Variants in TRAK1 observed in about 807,000 individuals in gnomAD.
The protein encoded by TRAK1 is trafficking kinesin protein 1.
Under a neutral mutation model 92.1 loss-of-function variants are expected in TRAK1, and 33 were observed. That is an observed-to-expected ratio of 0.36 (90% CI 0.27 to 0.48). TRAK1 has a LOEUF of 0.48. TRAK1 is among the 20% of genes least tolerant of loss of function. The pLI is 0.99. For missense variants in TRAK1, 1,123 were observed against 1,257.9 expected, an observed-to-expected ratio of 0.89 and a Z score of 1.62; for synonymous variants, 521 against 517.3, an observed-to-expected ratio of 1.01 and a Z score of -0.10.
intron 1 of TRAK1, among the ~76,000 whole-genome samples, chr3:42,099,692 C>G (rs1215215801): frequency 6.6e-6 from 1 of 152,172 alleles, no homozygotes; most frequent in African/African-American, 2.4e-5. Context: ...TCGGTTTCAG[C>G]TTATCTCATA....
chr3:42,082,274 A>C (rs1704473446), upstream of TRAK1, among the ~76,000 whole-genome samples: 1 of 152,078 alleles, frequency 6.6e-6, no homozygotes, highest in Non-Finnish European at 1.5e-5. Context: ...AAGTTATATA[A>C]AGCTTGGTTG....
intron 2 of TRAK1, among the ~76,000 whole-genome samples, chr3:42,162,765 ACT>A (rs1701415790): frequency 6.6e-6 from 1 of 151,638 alleles, no homozygotes; most frequent in Non-Finnish European, 1.5e-5. Flanking sequence ...TATTTGACAA[ACT>A]CTGGTTATAC....
Position 42,189,103 on chromosome 3 carries a change from G to A in TRAK1, c.669G>A (p.Glu223=). ...LQKKLKDLEE[E]NVVLRSEASQ... ...AGAAGCTGAAAGACCTTGAAGAGGA[G>A]AATGTTGTACTTCGATCCGAGGTGA... Residue 223 remains glutamate, a synonymous_variant, in exon 6 of 16, where the codon GAG becomes GAA. Transcript: ENST00000327628. The A allele has an allele frequency of 6.2e-7, 1 of 1,613,960 alleles. No homozygotes were observed. Among genetic ancestry groups the A allele is most frequent in the Non-Finnish European group, 8.5e-7 (1 of 1,179,786 alleles).
At chr3:42,116,934 G>T (rs1249179372) in intron 1 of TRAK1, among the ~76,000 whole-genome samples, 1 of 152,192 alleles carries the variant, frequency 6.6e-6, no homozygotes, top group African/African-American at 2.4e-5. Flanking sequence ...GTCCCAGAGT[G>T]TGGCGCCAGG....
chr3:42,195,926 C>T (rs1259209907), intron 10 of TRAK1, among the ~76,000 whole-genome samples: 1 of 152,120 alleles, frequency 6.6e-6, no homozygotes, highest in African/African-American at 2.4e-5. Context: ...TACCTGGGTT[C>T]CCTCCTTCCT....
At chr3:42,023,427 C>T (rs567043385) in intron 1 of TRAK1, among the ~76,000 whole-genome samples, 47 of 152,228 alleles carry the variant, frequency 3.1e-4, no homozygotes, top group Non-Finnish European at 5.3e-4. Context: ...GGAGTGGTGG[C>T]TGGCTTTACT....
intron 2 of TRAK1, among the ~76,000 whole-genome samples, chr3:42,143,982 T>C (rs1022471159): frequency 3.9e-5 from 6 of 152,234 alleles, no homozygotes; most frequent in Non-Finnish European, 8.8e-5. Flanking sequence ...TGCTTATTTA[T>C]ACATTGTTTT....
chr3:42,144,463 T>C (rs1699085411), intron 2 of TRAK1, among the ~76,000 whole-genome samples: 1 of 152,130 alleles, frequency 6.6e-6, no homozygotes, highest in Non-Finnish European at 1.5e-5. Context: ...GTCACAGACA[T>C]GGAAAACAAA....
chr3:42,131,417 G>A (rs1309729493), intron 2 of TRAK1, among the ~76,000 whole-genome samples: 1 of 152,042 alleles, frequency 6.6e-6, no homozygotes, highest in Admixed American at 6.6e-5. Context: ...TGCACCTAGA[G>A]CTTTAAAAAA....
chr3:42,014,529 A>C (rs912424376), intron 1 of TRAK1, among the ~76,000 whole-genome samples: 2 of 152,244 alleles, frequency 1.3e-5, no homozygotes, highest in African/African-American at 4.8e-5. Flanking sequence ...TAACAAGTTT[A>C]CTTTGTCACT....
At chr3:42,022,118 C>T (rs1701744351) in intron 1 of TRAK1, among the ~76,000 whole-genome samples, 1 of 152,156 alleles carries the variant, frequency 6.6e-6, no homozygotes, top group Non-Finnish European at 1.5e-5. Context: ...GGTTTTTGCT[C>T]ACCCATCAAC....
intron 3 of TRAK1, among the ~76,000 whole-genome samples, chr3:42,180,872 A>G (rs1234698197): frequency 6.6e-6 from 1 of 152,150 alleles, no homozygotes; most frequent in Non-Finnish European, 1.5e-5. Flanking sequence ...ATCTTATTCT[A>G]AGTATATTTT....
rs1466046742 is a variant in TRAK1, at chr3:42,223,435, A to G, written c.2560A>G (p.Lys854Glu). The G allele has an allele frequency of 1.9e-6, 3 of 1,613,970 alleles. No individual in the cohort carries two copies. Among genetic ancestry groups the G allele is most frequent in the Non-Finnish European group, 2.5e-6 (3 of 1,180,016 alleles). ...CAAAGTCAGGAGGTTTGGGGTGGCC[A>G]AAGTGGTGAACTCAGGGCGAGCCCA... ...VDKVRRFGVAKVVNSGRAHVP... is the reference protein window; with the variant it reads ...VDKVRRFGVAEVVNSGRAHVP... The change falls in exon 16 of 16, where the codon AAA (lysine) becomes GAA (glutamate). Residue 854 changes from lysine to glutamate, a missense_variant. By Grantham distance (56) the Lys-to-Glu change is moderately conservative. Transcript: ENST00000327628. This position sits in a 1 kb window ranked among gnomAD's most constrained non-coding sequence, Gnocchi z 6.1.
chr3:42,059,187 C>T (rs1240161119), intron 1 of TRAK1, among the ~76,000 whole-genome samples: 1 of 151,968 alleles, frequency 6.6e-6, no homozygotes. Flanking sequence ...CTCAACCTCC[C>T]AGGCTCAAGT....
intron 1 of TRAK1, among the ~76,000 whole-genome samples, chr3:42,047,037 T>C (rs1186178576): frequency 6.6e-6 from 1 of 152,120 alleles, no homozygotes; most frequent in Non-Finnish European, 1.5e-5. Flanking sequence ...ATTTTAATAC[T>C]TACTATTTAA....
intron 14 of TRAK1, chr3:42,212,730 T>A (rs1469079871): frequency 2.0e-5 from 6 of 301,378 alleles, no homozygotes; most frequent in African/African-American, 1.1e-4. Flanking sequence ...CAGTACTCTG[T>A]ATTTTAGGCA....
chr3:42,198,137 G>A (rs986198814), intron 10 of TRAK1, among the ~76,000 whole-genome samples: 1 of 152,166 alleles, frequency 6.6e-6, no homozygotes, highest in African/African-American at 2.4e-5. Context: ...CTGAACTGGT[G>A]CTTTTCTGCA....
intron 14 of TRAK1, chr3:42,211,654 G>A (rs1342295111): frequency 1.0e-6 from 1 of 985,394 alleles, no homozygotes; most frequent in East Asian, 1.1e-4. Context: ...ACCATTAAGT[G>A]CATCTTCTAG....
At chr3:42,176,972 C>A in intron 3 of TRAK1, 82 bp downstream of exon 3, 2 of 1,280,326 alleles carry the variant, frequency 1.6e-6, no homozygotes, top group Non-Finnish European at 2.2e-6. Flanking sequence ...GCCTTATCAC[C>A]TGTTTCAGTG....
Sources: allele counts gnomAD v4.1 joint callset (sites outside exome capture counted in the v4.1 genomes callset), GRCh38; gene constraint gnomAD v4.1.1; non-coding constraint Gnocchi (gnomAD v3.1); transcripts MANE v1.5; gene names NCBI Gene and HGNC (gene_info 2026-07-23, HGNC 2026-07-21).